GPATCH2: variants seen among roughly 807,000 people sequenced by gnomAD.
The protein encoded by GPATCH2 is G-patch domain containing 2.
GPATCH2 carries 51 observed loss-of-function variants against 58.0 expected under a neutral mutation model. That is an observed-to-expected ratio of 0.88 (90% CI 0.70 to 1.11). GPATCH2 has a LOEUF of 1.11. GPATCH2 is among the 50% of genes most tolerant of loss of function. The pLI is 0.00. For synonymous variants in GPATCH2, 222 were observed against 218.5 expected (o/e 1.02, Z -0.14); for missense variants, 625 against 652.2 (o/e 0.96, Z 0.45).
At chr1:217,481,205 C>T (rs191429389) in intron 8 of GPATCH2, among the ~76,000 whole-genome samples, 1 of 152,220 alleles carries the variant, frequency 6.6e-6, no homozygotes, top group East Asian at 1.9e-4. Flanking sequence ...GATGGATACC[C>T]CATTTTCCAT....
At position 217,430,855 on chromosome 1, in the gene GPATCH2, G is replaced by T; in HGVS notation, c.*290C>A. 2.3e-6 allele frequency: 1 copy of T among 436,512 alleles called. No homozygotes were observed. Among genetic ancestry groups the T allele is most frequent in the Admixed American group, 3.9e-5 (1 of 25,732 alleles). 27.0% of individuals were successfully genotyped at this position (436,512 alleles called of 1,614,324 possible). Reference sequence around the variant, plus strand: ...CATGAATTAAGCAAAGCATCGGAAAGTATTGACACATGAGACTAAAATAAA... The same window carrying T: ...CATGAATTAAGCAAAGCATCGGAAATTATTGACACATGAGACTAAAATAAA... On this transcript the variant is annotated 3_prime_UTR_variant, in exon 10 of 10. Transcript: ENST00000366935.
At chr1:217,597,532 T>C (rs12022577) in intron 5 of GPATCH2, among the ~76,000 whole-genome samples, 2,371 of 152,246 alleles carry the variant, frequency 0.016, 31 homozygotes, top group East Asian at 0.069. Flanking sequence ...AGGCAATTCA[T>C]GGATAGTCTA....
chr1:217,477,982 G>A (rs1661040452), intron 8 of GPATCH2, among the ~76,000 whole-genome samples: 1 of 152,178 alleles, frequency 6.6e-6, no homozygotes, highest in Non-Finnish European at 1.5e-5. Flanking sequence ...CTGGGAGAAA[G>A]TAAGGGAAGA....
At chr1:217,547,839 G>A (rs773633452) in intron 5 of GPATCH2, among the ~76,000 whole-genome samples, 2 of 152,082 alleles carry the variant, frequency 1.3e-5, no homozygotes, top group Non-Finnish European at 2.9e-5. Flanking sequence ...AGGTCTGGCG[G>A]CGGGTGATTG....
intron 9 of GPATCH2, among the ~76,000 whole-genome samples, chr1:217,445,598 T>C (rs1295266314): frequency 6.6e-6 from 1 of 152,138 alleles, no homozygotes; most frequent in African/African-American, 2.4e-5. Context: ...AGACATCCAC[T>C]AAGTTTCATT....
intron 5 of GPATCH2, among the ~76,000 whole-genome samples, chr1:217,524,354 A>G (rs1398002196): frequency 2.0e-5 from 3 of 147,144 alleles, no homozygotes; most frequent in South Asian, 2.2e-4. Flanking sequence ...GCGGCTGGGC[A>G]GAGACACTCC....
intron 5 of GPATCH2, among the ~76,000 whole-genome samples, chr1:217,593,824 G>A (rs1481160660): frequency 6.6e-6 from 1 of 151,964 alleles, no homozygotes; most frequent in African/African-American, 2.4e-5. Context: ...ATCTGCTTTT[G>A]TAAAGAACTG....
intron 5 of GPATCH2, among the ~76,000 whole-genome samples, chr1:217,547,319 C>A (rs58560600): frequency 6.6e-6 from 1 of 151,082 alleles, no homozygotes; most frequent in Non-Finnish European, 1.5e-5. Flanking sequence ...GCAGAGATCG[C>A]GCCACTGCAC....
intron 9 of GPATCH2, among the ~76,000 whole-genome samples, chr1:217,445,776 T>C (rs1659361182): frequency 6.6e-6 from 1 of 152,146 alleles, no homozygotes; most frequent in Non-Finnish European, 1.5e-5. Context: ...TAATAAATGT[T>C]CAAATGACAA....
At chr1:217,516,254 T>C (rs1484458125) in intron 5 of GPATCH2, among the ~76,000 whole-genome samples, 2 of 152,008 alleles carry the variant, frequency 1.3e-5, no homozygotes, top group Non-Finnish European at 1.5e-5. Flanking sequence ...TCTGTAATTA[T>C]AGAAGTGCCA....
chr1:217,430,895 T>G lies in GPATCH2; in HGVS notation c.*250A>C, dbSNP rs878893376. 5 of 527,836 alleles carry G rather than the reference T, an allele frequency of 9.5e-6. No individual in the cohort carries two copies. The highest frequency in any genetic ancestry group is 5.7e-5 in the African/African-American group (3 of 52,542). The allele number at this position is 527,836 out of a possible 1,614,324, so 32.7% of individuals were successfully genotyped here. A position where few individuals can be genotyped will look rare whatever the true frequency, so the allele number is the denominator to read the frequency against. ...ACTAAAATAAATAAGAGAAACGAGC[T>G]GCTCTTTATACCTAGAAATAGCTGG... On this transcript the variant is annotated 3_prime_UTR_variant, in exon 10 of 10. Coordinates refer to ENST00000366935, the MANE Select transcript of GPATCH2 (RefSeq NM_018040.5).
intron 5 of GPATCH2, among the ~76,000 whole-genome samples, chr1:217,550,373 T>C (rs1253414921): frequency 2.6e-5 from 4 of 152,140 alleles, no homozygotes; most frequent in Non-Finnish European, 4.4e-5. Flanking sequence ...TGCTGAGTAC[T>C]GATTTGAACT....
intron 8 of GPATCH2, among the ~76,000 whole-genome samples, chr1:217,478,627 C>T (rs185333415): frequency 8.0e-4 from 121 of 151,938 alleles, no homozygotes; most frequent in African/African-American, 2.6e-3. Flanking sequence ...AGCACACCTA[C>T]AGGACCTAGC....
At chr1:217,463,561 T>C (rs1474260295) in intron 8 of GPATCH2, among the ~76,000 whole-genome samples, 10 of 146,300 alleles carry the variant, frequency 6.8e-5, no homozygotes. Flanking sequence ...TCCCAGCACT[T>C]TGGGAGGCTG....
chr1:217,601,927 T>G (rs1480182349), intron 5 of GPATCH2, among the ~76,000 whole-genome samples: 1 of 152,174 alleles, frequency 6.6e-6, no homozygotes, highest in Admixed American at 6.6e-5. Context: ...TATCTGATAC[T>G]GGTATTACCT....
At chr1:217,486,108 G>T (rs974403108) in intron 8 of GPATCH2, among the ~76,000 whole-genome samples, 7 of 152,126 alleles carry the variant, frequency 4.6e-5, no homozygotes, top group Non-Finnish European at 1.0e-4. Flanking sequence ...TTAATCCATA[G>T]ACAATTTGAA....
chr1:217,561,903 T>A (rs1419911888), intron 5 of GPATCH2, among the ~76,000 whole-genome samples: 1 of 152,112 alleles, frequency 6.6e-6, no homozygotes, highest in Non-Finnish European at 1.5e-5. Flanking sequence ...GATAGAAAAA[T>A]TATTCTCTCT....
chr1:217,480,089 C>A (rs1661149189), intron 8 of GPATCH2, among the ~76,000 whole-genome samples: 1 of 151,538 alleles, frequency 6.6e-6, no homozygotes, highest in South Asian at 2.1e-4. Flanking sequence ...GCAAAAATTT[C>A]TTGAGTAATA....
At chr1:217,600,163 G>T (rs1166576959) in intron 5 of GPATCH2, among the ~76,000 whole-genome samples, 1 of 152,056 alleles carries the variant, frequency 6.6e-6, no homozygotes, top group Non-Finnish European at 1.5e-5. Flanking sequence ...TACTCCTTTG[G>T]TATGGAAAAA....
Sources: allele counts gnomAD v4.1 joint callset (sites outside exome capture counted in the v4.1 genomes callset), GRCh38; gene constraint gnomAD v4.1.1; transcripts MANE v1.5; gene names NCBI Gene and HGNC (gene_info 2026-07-23, HGNC 2026-07-21).